The following ABLIM1 variants were observed in gnomAD, a reference collection of about 807,000 sequenced individuals.
ABLIM1 encodes the protein actin-binding LIM protein 1.
In ABLIM1, 40 loss-of-function variants were observed where a neutral mutation model predicts 107.0. The observed-to-expected ratio is 0.37, with a 90% CI of 0.29 to 0.49. The LOEUF (loss-of-function observed/expected upper bound fraction) is 0.49, where lower values mean the gene tolerates loss of function less well. ABLIM1 is among the 20% of genes least tolerant of loss of function. ABLIM1 has a pLI of 0.97. For synonymous variants in ABLIM1, 357 were observed against 357.3 expected, an observed-to-expected ratio of 1.00 and a Z score of 0.01; for missense variants, 857 against 1,008.5, an observed-to-expected ratio of 0.85 and a Z score of 2.04.
intron 2 of ABLIM1, among the ~76,000 whole-genome samples, chr10:114,589,731 T>A (rs1227766634): frequency 1.3e-5 from 2 of 152,144 alleles, no homozygotes; most frequent in Non-Finnish European, 2.9e-5. Context: ...TTTTTTAGAG[T>A]TTGTTTTAAG....
intron 1 of ABLIM1, among the ~76,000 whole-genome samples, chr10:114,676,284 C>A (rs1176460795): frequency 6.6e-6 from 1 of 152,154 alleles, no homozygotes; most frequent in Non-Finnish European, 1.5e-5. Context: ...TGAGAGCAGC[C>A]TGGCCAACAT....
chr10:114,439,630 T>C, intron 20 of ABLIM1: 1 of 368,384 alleles, frequency 2.7e-6, no homozygotes, highest in Non-Finnish European at 5.0e-6. Context: ...CTTTCTTTTT[T>C]TAACAAGATT....
At chr10:114,559,460 AAAG>A (rs762756616) in intron 4 of ABLIM1, among the ~76,000 whole-genome samples, 10,888 of 85,796 alleles carry the variant, frequency 0.13, 483 homozygotes, top group African/African-American at 0.35. Context: ...AAAAAAAAAA[AAAG>A]AAAGAAAGAA....
At chr10:114,753,706 A>T (rs1272965467) in intron 1 of ABLIM1, among the ~76,000 whole-genome samples, 1 of 152,214 alleles carries the variant, frequency 6.6e-6, no homozygotes, top group African/African-American at 2.4e-5. Flanking sequence ...GAATCTCCAG[A>T]AACTTTTTAA....
chr10:114,450,892 T>C lies in ABLIM1; in HGVS notation c.1594+732A>G, dbSNP rs1018014570. ...TTCACAAAGATTTATGGTCGATATA[T>C]CTACAGAGACTTAATAATGGTGGAG... On this transcript the variant is annotated intron_variant, in intron 14 of 22. Coordinates refer to ENST00000533213, the MANE Select transcript of ABLIM1 (RefSeq NM_002313.7). Among the ~76,000 whole-genome samples, 8 of 152,294 alleles carry C rather than the reference T, an allele frequency of 5.3e-5. No homozygotes were observed. In the South Asian group the frequency reaches 8.3e-4, roughly 16 times the overall value.
chr10:114,532,496 C>G (rs1254047160), intron 6 of ABLIM1, among the ~76,000 whole-genome samples: 13 of 152,332 alleles, frequency 8.5e-5, no homozygotes, highest in Admixed American at 8.5e-4. Context: ...AGGAGGCAGC[C>G]TGTCCATGGT....
chr10:114,499,174 A>C (rs2060063392), intron 6 of ABLIM1, among the ~76,000 whole-genome samples: 1 of 152,248 alleles, frequency 6.6e-6, no homozygotes, highest in African/African-American at 2.4e-5. Flanking sequence ...AGGGACCCTC[A>C]GTTATGGGAC....
At chr10:114,624,354 C>G (rs935498117) in intron 1 of ABLIM1, among the ~76,000 whole-genome samples, 1 of 152,208 alleles carries the variant, frequency 6.6e-6, no homozygotes, top group African/African-American at 2.4e-5. Context: ...CAAAATGAAT[C>G]AAATGCCAAG....
chr10:114,473,245 C>A (rs2066933469), intron 9 of ABLIM1, 113 bp from the exon 10 acceptor site: 2 of 1,022,126 alleles, frequency 2.0e-6, no homozygotes, highest in Non-Finnish European at 2.8e-6. Context: ...TAAACAAAAA[C>A]CAAAACATCT....
intron 1 of ABLIM1, among the ~76,000 whole-genome samples, chr10:114,671,764 T>C (rs559096554): frequency 6.6e-6 from 1 of 152,396 alleles, no homozygotes; most frequent in African/African-American, 2.4e-5. Flanking sequence ...ACTTTTTTCA[T>C]ATGCTTATTG....
intron 22 of ABLIM1, 81 bp from the exon 23 acceptor site, chr10:114,436,454 A>C: frequency 9.8e-7 from 1 of 1,017,160 alleles, no homozygotes; most frequent in South Asian, 1.5e-5. Flanking sequence ...TCTATAGTTT[A>C]TACAGAGTCA....
intron 1 of ABLIM1, among the ~76,000 whole-genome samples, chr10:114,639,440 G>C (rs1395420850): frequency 6.6e-6 from 1 of 152,206 alleles, no homozygotes; most frequent in Non-Finnish European, 1.5e-5. Flanking sequence ...CTACCCAGTG[G>C]TTATTCTATC....
At chr10:114,729,154 AAAGT>A (rs2082022067) in intron 1 of ABLIM1, among the ~76,000 whole-genome samples, 2 of 152,114 alleles carry the variant, frequency 1.3e-5, no homozygotes, top group Admixed American at 1.3e-4. Context: ...AGGCCTAGGG[AAAGT>A]ACTTGACCAA....
intron 1 of ABLIM1, among the ~76,000 whole-genome samples, chr10:114,669,519 A>C (rs1463802771): frequency 6.6e-6 from 1 of 152,240 alleles, no homozygotes; most frequent in African/African-American, 2.4e-5. Context: ...ATCAGTAAAA[A>C]TGTGCACAGA....
chr10:114,553,926 G>A (rs1446380533), intron 4 of ABLIM1, among the ~76,000 whole-genome samples: 4 of 152,192 alleles, frequency 2.6e-5, no homozygotes, highest in Admixed American at 1.3e-4. Flanking sequence ...ATATCACATG[G>A]ATGGTACCCA....
chr10:114,514,047 A>T (rs916080813), intron 6 of ABLIM1, among the ~76,000 whole-genome samples: 16 of 152,212 alleles, frequency 1.1e-4, no homozygotes, highest in Non-Finnish European at 1.9e-4. Flanking sequence ...TAGTTATCTC[A>T]GGTAAGTTTC....
chr10:114,686,103 T>C (rs2080928290), upstream of ABLIM1, among the ~76,000 whole-genome samples: 1 of 152,162 alleles, frequency 6.6e-6, no homozygotes. Flanking sequence ...CAATCCAATA[T>C]TGAAACTTTG....
intron 2 of ABLIM1, among the ~76,000 whole-genome samples, chr10:114,591,431 T>C (rs2074855739): frequency 6.6e-6 from 1 of 152,208 alleles, no homozygotes. Flanking sequence ...ATATATAATC[T>C]GTAGAAACAA....
At chr10:114,618,181 A>G (rs2077248181) in intron 1 of ABLIM1, among the ~76,000 whole-genome samples, 1 of 152,160 alleles carries the variant, frequency 6.6e-6, no homozygotes, top group Non-Finnish European at 1.5e-5. Context: ...GGTTAAACCC[A>G]TGGTCACTGT....
Sources: allele counts gnomAD v4.1 joint callset (sites outside exome capture counted in the v4.1 genomes callset), GRCh38; gene constraint gnomAD v4.1.1; transcripts MANE v1.5; gene names NCBI Gene and HGNC (gene_info 2026-07-23, HGNC 2026-07-21).